The following CCBE1 variants were observed in gnomAD, a reference collection of about 807,000 sequenced individuals.
The protein encoded by CCBE1 is collagen and calcium-binding EGF domain-containing protein 1.
CCBE1 carries 37 observed loss-of-function variants against 50.0 expected under a neutral mutation model. That is an observed-to-expected ratio of 0.74 (90% CI 0.57 to 0.97). CCBE1 has a LOEUF of 0.97. Ranked by LOEUF, CCBE1 falls within the 50% of genes least tolerant of loss-of-function variation. The pLI is 0.00. For synonymous variants in CCBE1, 234 were observed against 203.7 expected (o/e 1.15, Z -1.27); for missense variants, 538 against 523.8 (o/e 1.03, Z -0.26).
At chr18:59,442,047 C>G (rs556438851) in intron 7 of CCBE1, among the ~76,000 whole-genome samples, 1 of 152,296 alleles carries the variant, frequency 6.6e-6, no homozygotes, top group Admixed American at 6.5e-5. Flanking sequence ...CCCATCCTCC[C>G]TGAATAAACC....
At position 59,460,359 on chromosome 18, in the gene CCBE1, G is replaced by T. The variant is rs1477488586; in HGVS notation, c.554-5408C>A. Among the ~76,000 whole-genome samples the T allele has an allele frequency of 2.0e-5, 3 of 152,186 alleles. No homozygotes were observed. In the East Asian group the frequency reaches 5.8e-4, roughly 29 times the overall value. On this transcript the variant is annotated intron_variant, in intron 5 of 10. Coordinates refer to ENST00000439986, the MANE Select transcript of CCBE1 (RefSeq NM_133459.4). The stretch of plus-strand genomic sequence containing the variant: ...TAAAAAGGAAAACCAAGGAGGAAGA[G>T]ATGATTTCAGATCACATGTGGTTAT...
intron 2 of CCBE1, among the ~76,000 whole-genome samples, chr18:59,668,461 A>G (rs1174881826): frequency 2.7e-5 from 4 of 149,294 alleles, no homozygotes; most frequent in Non-Finnish European, 5.9e-5. Flanking sequence ...ACATATATAC[A>G]TGCTTTATAA....
chr18:59,566,443 T>TAA (rs148890873), intron 2 of CCBE1, among the ~76,000 whole-genome samples: 15 of 148,248 alleles, frequency 1.0e-4, no homozygotes, highest in African/African-American at 3.7e-4. Flanking sequence ...GAAGCAAAAA[T>TAA]AAAAAAAAAA....
intron 2 of CCBE1, among the ~76,000 whole-genome samples, chr18:59,483,243 A>C (rs1441790334): frequency 5.1e-5 from 3 of 59,042 alleles, no homozygotes; most frequent in Non-Finnish European, 9.5e-5. Context: ...AAATGTGATG[A>C]AAAAAATTAT....
At chr18:59,454,768 T>C in intron 6 of CCBE1, 83 bp downstream of exon 6, 1 of 1,161,452 alleles carries the variant, frequency 8.6e-7, no homozygotes, top group Non-Finnish European at 1.3e-6. Flanking sequence ...GGATATTTTC[T>C]TATTTGTAAA....
intron 2 of CCBE1, among the ~76,000 whole-genome samples, chr18:59,503,689 A>AAT (rs1242516840): frequency 1.3e-5 from 2 of 152,128 alleles, no homozygotes; most frequent in African/African-American, 4.8e-5. Context: ...AGATATTTAA[A>AAT]ATATATATGT....
intron 2 of CCBE1, among the ~76,000 whole-genome samples, chr18:59,598,506 T>C (rs1157739101): frequency 6.6e-6 from 1 of 152,240 alleles, no homozygotes. Flanking sequence ...AATCTGGGAA[T>C]GCTGTTTCTA....
At chr18:59,663,538 G>A (rs937197966) in intron 2 of CCBE1, among the ~76,000 whole-genome samples, 1 of 152,100 alleles carries the variant, frequency 6.6e-6, no homozygotes, top group African/African-American at 2.4e-5. Flanking sequence ...AAGGAGGATG[G>A]AAGAGATGTA....
At chr18:59,461,726 A>G (rs1444158805) in intron 5 of CCBE1, among the ~76,000 whole-genome samples, 1 of 112,134 alleles carries the variant, frequency 8.9e-6, no homozygotes, top group Non-Finnish European at 1.7e-5. Context: ...AGCCAGGTGT[A>G]ATCTTTTTTT....
intron 2 of CCBE1, among the ~76,000 whole-genome samples, chr18:59,518,895 G>A (rs1312329053): frequency 6.6e-6 from 1 of 152,170 alleles, no homozygotes; most frequent in Non-Finnish European, 1.5e-5. Context: ...ACCAATGACT[G>A]ACAGCTCCCT....
intron 2 of CCBE1, among the ~76,000 whole-genome samples, chr18:59,679,316 CACAAA>C (rs1236228107): frequency 3.9e-5 from 6 of 152,224 alleles, no homozygotes; most frequent in Admixed American, 6.5e-5. Context: ...GAAATTACTC[CACAAA>C]ACAAATCTAT....
At chr18:59,436,619 T>C (rs999790870) in intron 10 of CCBE1, among the ~76,000 whole-genome samples, 7 of 152,262 alleles carry the variant, frequency 4.6e-5, no homozygotes, top group Admixed American at 3.9e-4. Context: ...GATTCATAAG[T>C]GAGGATTTAA....
intron 2 of CCBE1, among the ~76,000 whole-genome samples, chr18:59,639,935 AG>A (rs1448702757): frequency 6.6e-6 from 1 of 152,242 alleles, no homozygotes; most frequent in Non-Finnish European, 1.5e-5. Flanking sequence ...ATAGCTGAAC[AG>A]GGAGGTGAAA....
At chr18:59,438,089 C>T (rs374440827) in intron 10 of CCBE1, 22 bp downstream of exon 10, 2 of 1,613,696 alleles carry the variant, frequency 1.2e-6, no homozygotes, top group African/African-American at 2.7e-5. Flanking sequence ...CCTGGGGAAG[C>T]AGGACACAGA....
chr18:59,545,831 G>A lies in CCBE1; in HGVS notation c.213-65593C>T, dbSNP rs1915659917. Among the ~76,000 whole-genome samples the A allele has an allele frequency of 2.6e-5, 4 of 152,174 alleles. No homozygotes were observed. The South Asian group carries it at 8.3e-4, about 32-fold the overall frequency. ...CCTCATTTTCTCTTGCTGCTGCCAT[G>A]TAAGAAGTGCCTTTCACCTCCTGCC... is the stretch of plus-strand genomic sequence containing the variant. On this transcript the variant is annotated intron_variant, in intron 2 of 10. Transcript: ENST00000439986.
Position 59,662,136 on chromosome 18 carries a change from A to G in CCBE1, c.212+34493T>C, listed in dbSNP as rs553916437. Among the ~76,000 whole-genome samples, 50 of 152,322 alleles carry G rather than the reference A, an allele frequency of 3.3e-4. 2 individuals are homozygous for G. Among genetic ancestry groups the G allele is most frequent in the African/African-American group, 1.2e-3 (48 of 41,570 alleles). ...AGCACTGCTCTTGGGGGCCATTTTA[A>G]AACAGTGAAATCACCACCAATAACA... On this transcript the variant is annotated intron_variant, in intron 2 of 10. Coordinates refer to ENST00000439986, the MANE Select transcript of CCBE1 (RefSeq NM_133459.4).
At chr18:59,460,095 T>C (rs541583794) in intron 5 of CCBE1, among the ~76,000 whole-genome samples, 1 of 152,260 alleles carries the variant, frequency 6.6e-6, no homozygotes, top group East Asian at 1.9e-4. Context: ...CTCCCTGGGG[T>C]GACTAAACTG....
At chr18:59,459,378 T>G (rs80193321) in intron 5 of CCBE1, among the ~76,000 whole-genome samples, 421 of 152,338 alleles carry the variant, frequency 2.8e-3, no homozygotes, top group Non-Finnish European at 5.1e-3. Flanking sequence ...ACAAATAATC[T>G]CACATATGCT....
chr18:59,451,778 C>T (rs12962917), intron 6 of CCBE1, among the ~76,000 whole-genome samples: 20,416 of 152,154 alleles, frequency 0.13, 1,533 homozygotes, highest in Middle Eastern at 0.29. Flanking sequence ...GTAACAAACC[C>T]GCCCATCCTG....
Sources: gnomAD v4.1 joint callset for allele counts (sites outside exome capture counted in the v4.1 genomes callset) on GRCh38, gnomAD v4.1.1 for gene constraint, MANE v1.5 for transcripts, NCBI Gene and HGNC (gene_info 2026-07-23, HGNC 2026-07-21) for gene names.